The following ANO4 variants were observed in gnomAD, a reference collection of about 807,000 sequenced individuals.
ANO4 encodes the protein anoctamin 4.
ANO4 carries 69 observed loss-of-function variants against 141.9 expected under a neutral mutation model. The ratio of observed to expected loss-of-function variants is 0.49; its 90% CI spans 0.40 to 0.59. The LOEUF is 0.59. Among genes scored for constraint, ANO4 ranks in the 20% least tolerant of loss-of-function variants. The probability of loss-of-function intolerance (pLI) is 0.00; values close to 1 mark genes in which losing one functional copy is unlikely to be tolerated. For missense variants in ANO4, 894 were observed against 1,162.2 expected, an observed-to-expected ratio of 0.77 and a Z score of 3.36; for synonymous variants, 350 against 394.3, an observed-to-expected ratio of 0.89 and a Z score of 1.33.
chr12:101,006,762 T>A (rs1261381233), intron 8 of ANO4, among the ~76,000 whole-genome samples: 1 of 152,224 alleles, frequency 6.6e-6, no homozygotes, highest in African/African-American at 2.4e-5. Context: ...ACTGTATTTT[T>A]AGGAATACCT....
intron 1 of ANO4, among the ~76,000 whole-genome samples, chr12:100,847,745 A>ACC: frequency 6.6e-6 from 1 of 152,248 alleles, no homozygotes; most frequent in African/African-American, 2.4e-5. Context: ...TGCTGGGATT[A>ACC]CAGGCGTGAG....
intron 1 of ANO4, among the ~76,000 whole-genome samples, chr12:100,855,613 A>G (rs748485672): frequency 6.6e-6 from 1 of 152,150 alleles, no homozygotes; most frequent in African/African-American, 2.4e-5. Flanking sequence ...TGTTTATACA[A>G]ATTTCCCCAG....
chr12:100,732,336 C>A (rs1306080965), intron 1 of ANO4, among the ~76,000 whole-genome samples: 5 of 152,128 alleles, frequency 3.3e-5, no homozygotes, highest in Non-Finnish European at 7.3e-5. Context: ...CGTGGAGCAT[C>A]TTTTCATGTG....
intron 9 of ANO4, 85 bp from the exon 10 acceptor site, chr12:101,037,010 A>G: frequency 7.2e-7 from 1 of 1,388,764 alleles, no homozygotes; most frequent in Non-Finnish European, 1.0e-6. Flanking sequence ...TGTTTCCTCC[A>G]AAAAGCACCA....
At chr12:101,046,978 G>A (rs1166152307) in intron 13 of ANO4, among the ~76,000 whole-genome samples, 5 of 152,150 alleles carry the variant, frequency 3.3e-5, no homozygotes, top group Non-Finnish European at 7.3e-5. Context: ...GGCTGGGCGC[G>A]GTGGCTCACG....
At chr12:100,743,374 G>A (rs1446481930) in intron 3 of ANO4, among the ~76,000 whole-genome samples, 1 of 151,730 alleles carries the variant, frequency 6.6e-6, no homozygotes, top group South Asian at 2.1e-4. Flanking sequence ...AACCATAGGA[G>A]GAAAGCTTGG....
chr12:100,839,769 T>C (rs1356499106), intron 1 of ANO4, among the ~76,000 whole-genome samples: 1 of 152,106 alleles, frequency 6.6e-6, no homozygotes, highest in East Asian at 1.9e-4. Flanking sequence ...CTAGTTAATT[T>C]AGTGTGGCAA....
chr12:100,870,237 T>C (rs2135923811), intron 1 of ANO4, among the ~76,000 whole-genome samples: 1 of 152,356 alleles, frequency 6.6e-6, no homozygotes, highest in African/African-American at 2.4e-5. Flanking sequence ...TTTCCTCTAA[T>C]ATTTTGTGCA....
intron 14 of ANO4, among the ~76,000 whole-genome samples, chr12:101,060,398 G>A (rs995185736): frequency 5.3e-5 from 8 of 152,138 alleles, no homozygotes; most frequent in Non-Finnish European, 1.2e-4. Context: ...TATTAGGTTC[G>A]CTTGGTCCAG....
chr12:100,739,829 T>C, intron 2 of ANO4: 1 of 699,342 alleles, frequency 1.4e-6, no homozygotes, highest in Non-Finnish European at 2.6e-6. Context: ...TTGCTGCCAC[T>C]CACCTAATAT....
chr12:101,079,275 G>A lies in ANO4; in HGVS notation c.1395G>A (p.Glu465=). ...DWDLIDWEEE[E]EEIRPQFEAK... ...ATTTGATAGACTGGGAAGAAGAGGA[G>A]GTTTGTATCATTTACCTCAGAATGT... The change falls in exon 15 of 28, where the codon GAG becomes GAA. Residue 465 remains glutamate, a splice_region_variant and synonymous_variant. Coordinates refer to ENST00000392977, the MANE Select transcript of ANO4 (RefSeq NM_001286615.2). The A allele has an allele frequency of 6.2e-7, 1 of 1,612,592 alleles. No individual in the cohort carries two copies.
At chr12:100,758,570 C>T (rs542654781) in intron 3 of ANO4, among the ~76,000 whole-genome samples, 1 of 152,276 alleles carries the variant, frequency 6.6e-6, no homozygotes, top group East Asian at 1.9e-4. Context: ...TGACAGCTGA[C>T]ACTTATATCA....
intron 4 of ANO4, among the ~76,000 whole-genome samples, chr12:100,940,399 C>T (rs573009064): frequency 6.6e-6 from 1 of 152,254 alleles, no homozygotes; most frequent in Non-Finnish European, 1.5e-5. Context: ...TGGCACAGCT[C>T]ATTGTTCTGC....
chr12:101,059,226 T>C (rs1323987031), intron 14 of ANO4, among the ~76,000 whole-genome samples: 1 of 152,226 alleles, frequency 6.6e-6, no homozygotes, highest in Admixed American at 6.5e-5. Flanking sequence ...TTGATTGTGG[T>C]GGATAAGCTT....
intron 1 of ANO4, among the ~76,000 whole-genome samples, chr12:100,799,199 A>G (rs982737153): frequency 4.6e-5 from 7 of 152,204 alleles, no homozygotes; most frequent in Admixed American, 1.3e-4. Flanking sequence ...ATTGTGAAGT[A>G]TTAATTCACT....
intron 3 of ANO4, among the ~76,000 whole-genome samples, chr12:100,930,081 A>G (rs566629761): frequency 9.9e-5 from 15 of 152,100 alleles, no homozygotes; most frequent in African/African-American, 3.6e-4. Context: ...TTGGTTATTA[A>G]TCCCTTCTCA....
chr12:100,919,880 A>G (rs963641954), intron 2 of ANO4, among the ~76,000 whole-genome samples: 3 of 151,930 alleles, frequency 2.0e-5, no homozygotes, highest in Admixed American at 6.6e-5. Context: ...ACAGAATTTA[A>G]TGGCCTGTAT....
intron 9 of ANO4, among the ~76,000 whole-genome samples, chr12:101,023,506 A>C (rs1387418010): frequency 6.6e-6 from 1 of 152,112 alleles, no homozygotes; most frequent in Non-Finnish European, 1.5e-5. Context: ...CCCCATCTCT[A>C]CAAAAAATAC....
intron 7 of ANO4, among the ~76,000 whole-genome samples, chr12:100,979,538 A>G (rs1192654528): frequency 2.0e-5 from 3 of 152,044 alleles, no homozygotes; most frequent in African/African-American, 7.2e-5. Context: ...ATCAGAGGCA[A>G]TGAGGGTTCA....
Sources: allele counts gnomAD v4.1 joint callset (sites outside exome capture counted in the v4.1 genomes callset), GRCh38; gene constraint gnomAD v4.1.1; transcripts MANE v1.5; gene names NCBI Gene and HGNC (gene_info 2026-07-23, HGNC 2026-07-21).